Variants in DYNC1I1 observed in about 807,000 individuals in gnomAD.
DYNC1I1 encodes the protein cytoplasmic dynein 1 intermediate chain 1.
A neutral mutation model predicts 86.6 loss-of-function variants in DYNC1I1; 43 were observed. The ratio of observed to expected loss-of-function variants is 0.50; its 90% CI spans 0.39 to 0.64. The LOEUF is 0.64. Among genes scored for constraint, DYNC1I1 ranks in the 30% least tolerant of loss-of-function variants. DYNC1I1 has a pLI of 0.00. For synonymous variants in DYNC1I1, 262 were observed against 283.7 expected, an observed-to-expected ratio of 0.92 and a Z score of 0.77; for missense variants, 604 against 788.8, an observed-to-expected ratio of 0.77 and a Z score of 2.81.
At chr7:95,937,187 G>A (rs1038904706) in intron 6 of DYNC1I1, among the ~76,000 whole-genome samples, 2 of 151,940 alleles carry the variant, frequency 1.3e-5, no homozygotes, top group African/African-American at 4.8e-5. Flanking sequence ...GGGAGATGTT[G>A]GTTAAAGGGT....
intron 6 of DYNC1I1, among the ~76,000 whole-genome samples, chr7:95,871,359 A>T (rs1790162989): frequency 6.6e-6 from 1 of 152,200 alleles, no homozygotes; most frequent in Non-Finnish European, 1.5e-5. Context: ...AGCGAGGGGG[A>T]AAGAAAGAAA....
chr7:95,890,099 A>G (rs1346924021), intron 6 of DYNC1I1, among the ~76,000 whole-genome samples: 2 of 152,212 alleles, frequency 1.3e-5, no homozygotes, highest in Non-Finnish European at 2.9e-5. Context: ...ATCTGATGTA[A>G]TAAATCATTC....
At chr7:95,840,262 TC>T (rs2116008642) in intron 5 of DYNC1I1, among the ~76,000 whole-genome samples, 1 of 149,138 alleles carries the variant, frequency 6.7e-6, no homozygotes, top group South Asian at 2.1e-4. Flanking sequence ...TGTTTTTTAT[TC>T]TTTTTTTTTC....
intron 1 of DYNC1I1, among the ~76,000 whole-genome samples, chr7:95,794,908 T>C (rs1794398274): frequency 6.6e-6 from 1 of 152,192 alleles, no homozygotes; most frequent in South Asian, 2.1e-4. Context: ...AAAATCAACA[T>C]AATGTTTCAA....
At chr7:96,021,042 G>A (rs748228102) in intron 10 of DYNC1I1, among the ~76,000 whole-genome samples, 16 of 152,192 alleles carry the variant, frequency 1.1e-4, no homozygotes, top group Admixed American at 2.0e-4. Flanking sequence ...AGTGTTTAAC[G>A]GGTACCAAGT....
At chr7:95,992,271 G>T (rs964671005) in intron 9 of DYNC1I1, among the ~76,000 whole-genome samples, 1 of 152,060 alleles carries the variant, frequency 6.6e-6, no homozygotes, top group Non-Finnish European at 1.5e-5. Flanking sequence ...TCCATCTAAT[G>T]ATAAGTTCCT....
intron 10 of DYNC1I1, 31 bp from the exon 11 acceptor site, chr7:96,028,144 A>C (rs567309321): frequency 8.8e-5 from 138 of 1,575,624 alleles, no homozygotes; most frequent in Non-Finnish European, 1.2e-4. Flanking sequence ...TTCACATTGC[A>C]TCTCTCTCTC....
At chr7:95,907,709 A>T (rs932066842) in intron 6 of DYNC1I1, among the ~76,000 whole-genome samples, 1 of 150,710 alleles carries the variant, frequency 6.6e-6, no homozygotes, top group African/African-American at 2.4e-5. Flanking sequence ...GTATCGGTTC[A>T]TTTGGTCCTT....
chr7:95,856,717 A>C (rs1420799382), intron 5 of DYNC1I1, among the ~76,000 whole-genome samples: 2 of 152,160 alleles, frequency 1.3e-5, no homozygotes, highest in East Asian at 3.9e-4. Flanking sequence ...GTGGTGGCTC[A>C]CGCCTGTAAT....
At chr7:95,971,457 C>T (rs183794960) in intron 6 of DYNC1I1, among the ~76,000 whole-genome samples, 19 of 152,198 alleles carry the variant, frequency 1.2e-4, no homozygotes, top group African/African-American at 4.3e-4. Context: ...GTGGCCAGGG[C>T]ATTTGTTCTT....
intron 6 of DYNC1I1, among the ~76,000 whole-genome samples, chr7:95,893,857 G>T (rs923124043): frequency 6.6e-6 from 1 of 152,170 alleles, no homozygotes; most frequent in African/African-American, 2.4e-5. Context: ...AAATGAAACA[G>T]TAGAGTGTGC....
chr7:96,072,320 A>G lies in DYNC1I1; in HGVS notation c.1510-3737A>G, dbSNP rs185120280. 3.9e-5 allele frequency among the ~76,000 whole-genome samples: 6 copies of G among 152,308 alleles called. No homozygotes were observed. In the East Asian group the frequency reaches 1.2e-3, roughly 29 times the overall value. ...TCACAATTTTATTTCATTGACATGT[A>G]CCACACGTGCAGTAGGCCGTGTAAC... On this transcript the variant is annotated intron_variant, in intron 14 of 16. Coordinates refer to ENST00000447467, the MANE Select transcript of DYNC1I1 (RefSeq NM_001135556.2).
intron 5 of DYNC1I1, among the ~76,000 whole-genome samples, chr7:95,865,793 G>T (rs1318274923): frequency 6.6e-6 from 1 of 152,176 alleles, no homozygotes; most frequent in East Asian, 1.9e-4. Flanking sequence ...TAGCCTAGAC[G>T]TATAGTAGGC....
chr7:95,857,240 G>C lies in DYNC1I1; in HGVS notation c.375-12643G>C. Among the ~76,000 whole-genome samples the C allele has an allele frequency of 1.3e-5, 2 of 152,094 alleles. 1 individual carries two copies. The highest frequency in any genetic ancestry group is 1.3e-4 in the Admixed American group (2 of 15,264). Reference sequence around the variant, plus strand: ...CTCCTTTAGTTGCAGCAATAGCTTGGATAAAGGTCTTCATTAGGTAGTAGG... The same window carrying C: ...CTCCTTTAGTTGCAGCAATAGCTTGCATAAAGGTCTTCATTAGGTAGTAGG... On this transcript the variant is annotated intron_variant, in intron 5 of 16. Transcript: ENST00000447467.
At chr7:95,829,953 G>A (rs779566770) in intron 5 of DYNC1I1, among the ~76,000 whole-genome samples, 61 of 152,214 alleles carry the variant, frequency 4.0e-4, no homozygotes, top group Non-Finnish European at 7.4e-4. Context: ...ATAAAAGGAG[G>A]TTGAAGGACT....
chr7:96,030,863 T>C (rs1281577553), intron 11 of DYNC1I1, among the ~76,000 whole-genome samples: 1 of 152,032 alleles, frequency 6.6e-6, no homozygotes, highest in Non-Finnish European at 1.5e-5. Context: ...GAAAGAGCAT[T>C]GCCTACAATC....
intron 6 of DYNC1I1, among the ~76,000 whole-genome samples, chr7:95,967,101 C>T: frequency 6.6e-6 from 1 of 151,938 alleles, no homozygotes. Flanking sequence ...TTGGGGCATA[C>T]AGATATGAAT....
chr7:96,059,921 C>T (rs1038737271), intron 14 of DYNC1I1, among the ~76,000 whole-genome samples: 3 of 152,078 alleles, frequency 2.0e-5, no homozygotes, highest in Non-Finnish European at 2.9e-5. Context: ...GTCTTTTTGG[C>T]CTACTAAGTG....
At chr7:96,012,428 G>A (rs1353765166) in intron 10 of DYNC1I1, among the ~76,000 whole-genome samples, 5 of 152,174 alleles carry the variant, frequency 3.3e-5, no homozygotes, top group Admixed American at 3.3e-4. Flanking sequence ...GTAGAAAGGA[G>A]TTTTAAATCT....
Sources: allele counts gnomAD v4.1 joint callset (sites outside exome capture counted in the v4.1 genomes callset), GRCh38; gene constraint gnomAD v4.1.1; transcripts MANE v1.5; gene names NCBI Gene and HGNC (gene_info 2026-07-23, HGNC 2026-07-21).